The following NCAPG2 variants were observed in gnomAD, a reference collection of about 807,000 sequenced individuals.
The protein encoded by NCAPG2 is non-SMC condensin II complex subunit G2.
Under a neutral mutation model 141.1 loss-of-function variants are expected in NCAPG2, and 53 were observed. That is an observed-to-expected ratio of 0.38 (90% CI 0.30 to 0.47). NCAPG2 has a LOEUF of 0.47. NCAPG2 is among the 20% of genes least tolerant of loss of function. NCAPG2 has a pLI of 0.99. For missense variants in NCAPG2, 1,087 were observed against 1,389.0 expected (o/e 0.78, Z 3.46); for synonymous variants, 499 against 490.7 (o/e 1.02, Z -0.22).
At position 158,687,603 on chromosome 7, in the gene NCAPG2, G is replaced by A. The variant is rs114525620; in HGVS notation, c.673-161C>T. Among the ~76,000 whole-genome samples the A allele has an allele frequency of 4.6e-3, 707 of 152,240 alleles. 1 individual carries two copies. The highest frequency in any genetic ancestry group is 0.016 in the African/African-American group (650 of 41,552). ...CACATGCACGAGTTGAGCTGTCTGCGGGGCCTGCACAGCCAGGAGCCACAC... is the reference window on the plus strand; with the variant it reads ...CACATGCACGAGTTGAGCTGTCTGCAGGGCCTGCACAGCCAGGAGCCACAC... On this transcript the variant is annotated intron_variant, in intron 6 of 27. Transcript: ENST00000356309.
At chr7:158,648,245 A>G (rs1163031778) in intron 24 of NCAPG2, among the ~76,000 whole-genome samples, 1 of 152,172 alleles carries the variant, frequency 6.6e-6, no homozygotes, top group Non-Finnish European at 1.5e-5. Context: ...GGACAAGCAT[A>G]ATTTCTGAAG....
rs200377757 is a variant in NCAPG2, at chr7:158,655,180, T to C, written c.2584A>G (p.Ile862Val). Residue 862 changes from isoleucine (I) to valine (V), a missense_variant, in exon 21 of 28, where the codon ATT becomes GTT. Transcript: ENST00000356309. ...FWLESKILSF[I>V]QDQEEDYLKL... ...AGGTAGTCTTCTTCTTGATCTTGAA[T>C]AAAAGATAAAATTTTGCTTTCTAAC... 145 of 1,614,114 alleles carry C rather than the reference T, an allele frequency of 9.0e-5. No individual in the cohort carries two copies. The African/African-American group carries it at 1.6e-3, about 18-fold the overall frequency.
intron 17 of NCAPG2, among the ~76,000 whole-genome samples, chr7:158,657,743 G>A (rs1340210791): frequency 1.3e-5 from 2 of 152,186 alleles, no homozygotes; most frequent in African/African-American, 4.8e-5. Context: ...TTGAGAAATT[G>A]GATGGTTGCC....
At chr7:158,698,976 G>A (rs1305815294) in intron 2 of NCAPG2, among the ~76,000 whole-genome samples, 3 of 151,850 alleles carry the variant, frequency 2.0e-5, no homozygotes, top group Non-Finnish European at 2.9e-5. Flanking sequence ...CTGTAGAGAC[G>A]GGGTCTTACT....
intron 15 of NCAPG2, among the ~76,000 whole-genome samples, chr7:158,662,859 C>T (rs781575380): frequency 3.6e-4 from 55 of 152,164 alleles, no homozygotes; most frequent in Non-Finnish European, 7.2e-4. Context: ...GCCAACTCCA[C>T]CCTACAGGCA....
At chr7:158,682,346 G>A (rs1377500) in intron 9 of NCAPG2, among the ~76,000 whole-genome samples, 133,998 of 150,108 alleles carry the variant, frequency 0.89, 59,676 homozygotes, top group Admixed American at 0.94. Flanking sequence ...GGATGGGGGT[G>A]GGGGGTGGGT....
At chr7:158,639,915 C>A in intron 27 of NCAPG2, 1 of 885,548 alleles carries the variant, frequency 1.1e-6, no homozygotes, top group Non-Finnish European at 1.4e-6. Context: ...ATATCCAAGA[C>A]CTGTGAGACA....
rs1563504958 is a variant in NCAPG2, at chr7:158,648,827, C to CCAAATGGACTACAACCACGG, written c.3075+1985_3075+2004dup. ...CCACGCCAAATGGACCACAACCACG[C>CCAAATGGACTACAACCACGG]CAAATGGACTACAACCACGGCAAAT... On this transcript the variant is annotated intron_variant, in intron 24 of 27. Coordinates refer to ENST00000356309, the MANE Select transcript of NCAPG2 (RefSeq NM_017760.7). Among the ~76,000 whole-genome samples, 48 of 112,384 alleles carry CCAAATGGACTACAACCACGG rather than the reference C, an allele frequency of 4.3e-4. 14 individuals carry two copies. The highest frequency in any genetic ancestry group is 1.4e-3 in the African/African-American group (41 of 29,006). 73.7% of individuals were successfully genotyped at this position (112,384 alleles called of 152,430 possible). A position where few individuals can be genotyped will look rare whatever the true frequency, so the allele number is the denominator to read the frequency against.
In NCAPG2 at chr7:158,649,554, C is replaced by T. The variant is rs191020155; in HGVS notation, c.3075+1278G>A. ...TTATCATTTTTAGCTACATAGCTCA[C>T]CGGAATAAACAAATCCTAGTTTTTA... On this transcript the variant is annotated intron_variant, in intron 24 of 27. Coordinates refer to ENST00000356309, the MANE Select transcript of NCAPG2 (RefSeq NM_017760.7). Among the ~76,000 whole-genome samples the T allele has an allele frequency of 6.3e-4, 96 of 152,192 alleles. No homozygotes were observed. The Middle Eastern group carries it at 0.014, about 22-fold the overall frequency.
chr7:158,653,848 T>A (rs1416803067), intron 22 of NCAPG2, among the ~76,000 whole-genome samples: 2 of 152,228 alleles, frequency 1.3e-5, no homozygotes, highest in African/African-American at 4.8e-5. Context: ...GATATTGGGA[T>A]ACTACTTAAA....
chr7:158,664,130 T>A, intron 15 of NCAPG2, 54 bp downstream of exon 15: 2 of 1,321,362 alleles, frequency 1.5e-6, no homozygotes, highest in South Asian at 2.4e-5. Context: ...TAATGGCCCA[T>A]GGGAGTGATG....
chr7:158,656,506 G>A (rs1831989305), intron 18 of NCAPG2, 46 bp downstream of exon 18: 1 of 1,612,118 alleles, frequency 6.2e-7, no homozygotes, highest in Admixed American at 1.7e-5. Flanking sequence ...CTAATACACA[G>A]TTATCCTCAC....
intron 27 of NCAPG2, among the ~76,000 whole-genome samples, chr7:158,637,577 T>TCAAGAGAGTAGGCTTTCCAGCTCTGGC (rs1563488344): frequency 3.4e-4 from 2 of 5,836 alleles, no homozygotes; most frequent in Admixed American, 1.8e-3. Context: ...CAGCTCCGGC[T>TCAAGAGAGTAGGCTTTCCAGCTCTGGC]CCAGCAGCTC....
intron 1 of NCAPG2, among the ~76,000 whole-genome samples, chr7:158,703,015 C>T (rs1835906223): frequency 6.6e-6 from 1 of 152,208 alleles, no homozygotes; most frequent in African/African-American, 2.4e-5. Flanking sequence ...GATGCAAATA[C>T]TTGCCATTGT....
At chr7:158,680,229 C>T (rs1834363563) in intron 10 of NCAPG2, 144 bp from the exon 11 acceptor site, 1 of 971,638 alleles carries the variant, frequency 1.0e-6, no homozygotes, top group African/African-American at 1.7e-5. Context: ...TTAAATTGAC[C>T]AAACATTGCT....
In NCAPG2 at chr7:158,655,514, T is replaced by A. The variant is rs975284455; in HGVS notation, c.2389-59A>T. On this transcript the variant is annotated intron_variant, in intron 19 of 27. Coordinates refer to ENST00000356309, the MANE Select transcript of NCAPG2 (RefSeq NM_017760.7). ...ACTGACAAGGCACCACCACACCCCG[T>A]ACAGCAAGAACAATGGGAAGCACCT... 3.6e-4 allele frequency: 496 copies of A among 1,388,468 alleles called. 2 individuals are homozygous for A. Among genetic ancestry groups the A allele is most frequent in the Middle Eastern group, 1.6e-3 (9 of 5,610 alleles). The allele number at this position is 1,388,468 out of a possible 1,614,324, so 86.0% of individuals were successfully genotyped here.
In NCAPG2 at chr7:158,645,559, G is replaced by A. The variant is rs1830946141; in HGVS notation, c.3240C>T (p.Cys1080=). The change falls in exon 26 of 28, where the codon TGC becomes TGT. Residue 1080 remains cysteine (C), a synonymous_variant. Coordinates refer to ENST00000356309, the MANE Select transcript of NCAPG2 (RefSeq NM_017760.7). ...VASNDIEGIV[C]LTAAVHIILV... is the part of the protein sequence containing the mutation. ...GGATAATATGCACAGCAGCCGTGAGGCACACAATGCCTTCAATATCATTAG... is the reference window on the plus strand; with the variant it reads ...GGATAATATGCACAGCAGCCGTGAGACACACAATGCCTTCAATATCATTAG... 2 of 1,614,196 alleles carry A rather than the reference G, an allele frequency of 1.2e-6. No homozygotes were observed. Among genetic ancestry groups the A allele is most frequent in the East Asian group, 2.2e-5 (1 of 44,890 alleles).
intron 19 of NCAPG2, among the ~76,000 whole-genome samples, chr7:158,655,688 G>A (rs939933999): frequency 3.3e-5 from 5 of 152,228 alleles, no homozygotes; most frequent in African/African-American, 7.2e-5. Flanking sequence ...TGCCCTGCAC[G>A]CAGCACCACC....
At chr7:158,665,713 C>A (rs1832875300) in intron 13 of NCAPG2, among the ~76,000 whole-genome samples, 1 of 152,124 alleles carries the variant, frequency 6.6e-6, no homozygotes, top group South Asian at 2.1e-4. Context: ...TGCCTGCATC[C>A]CACCTCCACC....
Sources: gnomAD v4.1 joint callset for allele counts (sites outside exome capture counted in the v4.1 genomes callset) on GRCh38, gnomAD v4.1.1 for gene constraint, MANE v1.5 for transcripts, NCBI Gene and HGNC (gene_info 2026-07-23, HGNC 2026-07-21) for gene names.